KDM4C: variants seen among roughly 807,000 people sequenced by gnomAD.
The protein encoded by KDM4C is lysine-specific demethylase 4C.
In KDM4C, 81 loss-of-function variants were observed where a neutral mutation model predicts 129.3. That is an observed-to-expected ratio of 0.63 (90% confidence interval 0.52 to 0.75). KDM4C has a LOEUF of 0.75. KDM4C is among the 30% of genes least tolerant of loss of function. The pLI, the probability that KDM4C is intolerant of heterozygous loss-of-function variation, is 0.00. For synonymous variants in KDM4C, 573 were observed against 456.1 expected (o/e 1.26, Z -3.26); for missense variants, 1,457 against 1,304.0 (o/e 1.12, Z -1.81).
chr9:6,834,991 C>T (rs1835611642), intron 4 of KDM4C: 9 of 974,136 alleles, frequency 9.2e-6, no homozygotes, highest in Non-Finnish European at 1.3e-5. Flanking sequence ...TGCATCTGGA[C>T]CTGGCTGGCC....
At chr9:7,034,532 C>A (rs1027078262) in intron 15 of KDM4C, among the ~76,000 whole-genome samples, 1 of 152,180 alleles carries the variant, frequency 6.6e-6, no homozygotes, top group African/African-American at 2.4e-5. Context: ...GACAAGATTT[C>A]ATTCCATGGT....
At chr9:6,942,395 C>G (rs1005163694) in intron 8 of KDM4C, 2 of 149,904 alleles carry the variant, frequency 1.3e-5, no homozygotes, top group African/African-American at 4.9e-5. Context: ...CAATGGCTGC[C>G]TCTTTGTCTT....
intron 8 of KDM4C, among the ~76,000 whole-genome samples, chr9:6,933,612 A>C (rs1824163504): frequency 6.6e-6 from 1 of 152,224 alleles, no homozygotes; most frequent in Admixed American, 6.5e-5. Flanking sequence ...GACAAATAAA[A>C]GCCATTCCAG....
In KDM4C at chr9:6,939,270, C is replaced by T. The variant is rs114438519; in HGVS notation, c.922-41655C>T. ...AGAGTGTGAACCCTGTTGTGAACTG[C>T]ACATGGGAGGGATCTAGGTTGCATG... On this transcript the variant is annotated intron_variant, in intron 8 of 21. Coordinates refer to ENST00000381309, the MANE Select transcript of KDM4C (RefSeq NM_015061.6). 3.4e-3 allele frequency among the ~76,000 whole-genome samples: 524 copies of T among 152,154 alleles called. 2 individuals carry two copies. The highest frequency in any genetic ancestry group is 0.012 in the African/African-American group (493 of 41,540).
At chr9:6,888,423 G>C (rs937257981) in intron 7 of KDM4C, among the ~76,000 whole-genome samples, 24 of 152,152 alleles carry the variant, frequency 1.6e-4, no homozygotes, top group African/African-American at 5.8e-4. Context: ...TTAGCAATGG[G>C]TTGCTTAGAA....
chr9:6,883,180 T>C (rs1046317948), intron 6 of KDM4C, among the ~76,000 whole-genome samples: 1 of 152,216 alleles, frequency 6.6e-6, no homozygotes, highest in Non-Finnish European at 1.5e-5. Context: ...AAATGTACTT[T>C]TATTAGCTCT....
intron 4 of KDM4C, among the ~76,000 whole-genome samples, chr9:6,838,183 G>A (rs1836232606): frequency 6.6e-6 from 1 of 152,098 alleles, no homozygotes; most frequent in Non-Finnish European, 1.5e-5. Context: ...GCTTGTCTTA[G>A]CAATTCCGTC....
chr9:7,162,237 G>C (rs1238365825), intron 19 of KDM4C, among the ~76,000 whole-genome samples: 1 of 152,178 alleles, frequency 6.6e-6, no homozygotes, highest in Non-Finnish European at 1.5e-5. Flanking sequence ...TAAAGAAAAA[G>C]AGTTCTGAAA....
intron 19 of KDM4C, among the ~76,000 whole-genome samples, chr9:7,164,257 C>G (rs776387538): frequency 6.6e-6 from 1 of 151,886 alleles, no homozygotes; most frequent in Non-Finnish European, 1.5e-5. Context: ...TGTATTGTGT[C>G]CTACTCAATA....
intron 19 of KDM4C, among the ~76,000 whole-genome samples, chr9:7,156,150 T>A (rs1843147363): frequency 6.6e-6 from 1 of 152,368 alleles, no homozygotes; most frequent in Admixed American, 6.5e-5. Context: ...TGCATAAGTG[T>A]CTTCTTTTGA....
At chr9:7,123,278 T>G (rs1839694735) in intron 18 of KDM4C, among the ~76,000 whole-genome samples, 1 of 152,192 alleles carries the variant, frequency 6.6e-6, no homozygotes, top group African/African-American at 2.4e-5. Flanking sequence ...CACCTTCCTT[T>G]TCCCTTGGCT....
intron 8 of KDM4C, among the ~76,000 whole-genome samples, chr9:6,940,325 G>T (rs1390982831): frequency 6.6e-6 from 1 of 152,056 alleles, no homozygotes; most frequent in African/African-American, 2.4e-5. Flanking sequence ...ACAGGTGTGA[G>T]CCACTGTGCC....
rs547730727 is a variant in KDM4C, at chr9:6,761,526, C to T, written c.-18+3323C>T. 4.6e-5 allele frequency among the ~76,000 whole-genome samples: 7 copies of T among 151,880 alleles called. No homozygotes were observed. The South Asian group carries it at 1.5e-3, about 32-fold the overall frequency. ...TGATTTTTGTGGTCTTGCCATGGTA[C>T]CCCGGCTGGTCTGAAACTCCCGGGC... On this transcript the variant is annotated intron_variant, in intron 1 of 21. Coordinates refer to ENST00000381309, the MANE Select transcript of KDM4C (RefSeq NM_015061.6).
intron 1 of KDM4C, among the ~76,000 whole-genome samples, chr9:6,766,312 G>C (rs1004369605): frequency 1.3e-5 from 2 of 152,186 alleles, no homozygotes; most frequent in Admixed American, 6.5e-5. Flanking sequence ...AGATTTTGGA[G>C]TATTTCAGAT....
At chr9:6,761,159 A>G (rs573038317) in intron 1 of KDM4C, among the ~76,000 whole-genome samples, 3 of 151,546 alleles carry the variant, frequency 2.0e-5, no homozygotes, top group African/African-American at 4.8e-5. Context: ...ACAGGCACCC[A>G]CCATCATGCT....
chr9:7,002,471 G>A (rs1405821865), intron 12 of KDM4C, among the ~76,000 whole-genome samples: 1 of 152,124 alleles, frequency 6.6e-6, no homozygotes, highest in Non-Finnish European at 1.5e-5. Context: ...TACTGTGTTA[G>A]CAATTTTAAA....
intron 8 of KDM4C, among the ~76,000 whole-genome samples, chr9:6,964,821 G>A (rs1002662541): frequency 2.7e-5 from 4 of 149,624 alleles, no homozygotes; most frequent in South Asian, 2.1e-4. Flanking sequence ...GGGCGCAGTA[G>A]CACATGCCTG....
intron 8 of KDM4C, among the ~76,000 whole-genome samples, chr9:6,899,753 T>G (rs1380596318): frequency 6.6e-6 from 1 of 152,226 alleles, no homozygotes; most frequent in Non-Finnish European, 1.5e-5. Flanking sequence ...GGTATGATGG[T>G]ATCAAACCAG....
chr9:6,967,446 A>T (rs1172908712), intron 8 of KDM4C, among the ~76,000 whole-genome samples: 1 of 151,274 alleles, frequency 6.6e-6, no homozygotes, highest in Admixed American at 6.6e-5. Flanking sequence ...AAAAAATTGT[A>T]CAGACTCTTG....
Sources: gnomAD v4.1 joint callset for allele counts (sites outside exome capture counted in the v4.1 genomes callset) on GRCh38, gnomAD v4.1.1 for gene constraint, MANE v1.5 for transcripts, NCBI Gene and HGNC (gene_info 2026-07-23, HGNC 2026-07-21) for gene names.